NHLRC2: variants seen among roughly 807,000 people sequenced by gnomAD.
NHLRC2 encodes NHL repeat-containing protein 2.
NHLRC2 carries 33 observed loss-of-function variants against 68.1 expected under a neutral mutation model. That is an observed-to-expected ratio of 0.48 (90% CI 0.37 to 0.65). The LOEUF is 0.65. Among genes scored for constraint, NHLRC2 ranks in the 30% least tolerant of loss-of-function variants. NHLRC2 has a pLI of 0.00. For synonymous variants in NHLRC2, 311 were observed against 309.6 expected, an observed-to-expected ratio of 1.00 and a Z score of -0.05; for missense variants, 761 against 853.8, an observed-to-expected ratio of 0.89 and a Z score of 1.35.
At chr10:113,900,502 A>T (rs1846218228) in intron 6 of NHLRC2, among the ~76,000 whole-genome samples, 2 of 152,214 alleles carry the variant, frequency 1.3e-5, no homozygotes, top group Non-Finnish European at 2.9e-5. Context: ...CACTAGGACC[A>T]CACTGACCTG....
chr10:113,874,962 C>G (rs765033308), intron 2 of NHLRC2, among the ~76,000 whole-genome samples: 5 of 150,784 alleles, frequency 3.3e-5, no homozygotes, highest in Admixed American at 6.6e-5. Flanking sequence ...TTTTCTTTAC[C>G]TCATGGAGCA....
chr10:113,878,554 G>T (rs951021674), intron 3 of NHLRC2, among the ~76,000 whole-genome samples: 2 of 152,098 alleles, frequency 1.3e-5, no homozygotes, highest in Non-Finnish European at 2.9e-5. Context: ...TAAAGATGGA[G>T]TCTCACTCTG....
At chr10:113,878,772 G>C (rs1846008801) in intron 3 of NHLRC2, among the ~76,000 whole-genome samples, 1 of 152,062 alleles carries the variant, frequency 6.6e-6, no homozygotes, top group South Asian at 2.1e-4. Flanking sequence ...CAAGTGATCT[G>C]CCTGCCTCGG....
At chr10:113,869,310 A>G (rs1845900325) in intron 2 of NHLRC2, among the ~76,000 whole-genome samples, 1 of 152,222 alleles carries the variant, frequency 6.6e-6, no homozygotes, top group Admixed American at 6.5e-5. Context: ...TGATGGTGCC[A>G]TGCAGTGACA....
chr10:113,910,078 C>T lies in NHLRC2; in HGVS notation c.*1542C>T, dbSNP rs193002734. On this transcript the variant is annotated 3_prime_UTR_variant, in exon 11 of 11. Transcript: ENST00000369301. ...ATATAGATATAAAATTAAAAGGAATCCTGTTTAAAATTATATGTAATTACC... is the reference window on the plus strand; with the variant it reads ...ATATAGATATAAAATTAAAAGGAATTCTGTTTAAAATTATATGTAATTACC... The T allele has an allele frequency of 6.6e-6, 1 of 152,204 alleles. No individual in the cohort carries two copies. Among genetic ancestry groups the T allele is most frequent in the East Asian group, 1.9e-4 (1 of 5,190 alleles). 9.4% of individuals were successfully genotyped at this position (152,204 alleles called of 1,614,324 possible).
At chr10:113,870,695 T>G (rs1243649541) in intron 2 of NHLRC2, among the ~76,000 whole-genome samples, 1 of 152,204 alleles carries the variant, frequency 6.6e-6, no homozygotes, top group Non-Finnish European at 1.5e-5. Flanking sequence ...ATATGTAGTT[T>G]CGTTAGGTAT....
rs1232471222 is a variant in NHLRC2, at chr10:113,916,436, A to G, written c.*7900A>G. ...TTTTTTTCCGTAGCATTTCTTAATA[A>G]TAGCTCAGTTTTTAAAGGAGGGGAA... On this transcript the variant is annotated 3_prime_UTR_variant, in exon 11 of 11. Transcript: ENST00000369301. The G allele has an allele frequency of 6.6e-6, 1 of 152,184 alleles. No individual in the cohort carries two copies. The highest frequency in any genetic ancestry group is 1.5e-5 in the Non-Finnish European group (1 of 68,034). The allele number at this position is 152,184 out of a possible 1,614,324, so 9.4% of individuals were successfully genotyped here.
Position 113,865,287 on chromosome 10 carries a change from C to G in NHLRC2, c.331+6607C>G, listed in dbSNP as rs374282759. 6.2e-3 allele frequency among the ~76,000 whole-genome samples: 870 copies of G among 139,806 alleles called. 10 individuals carry two copies. Among genetic ancestry groups the G allele is most frequent in the Middle Eastern group, 0.022 (6 of 274 alleles). 91.7% of individuals were successfully genotyped at this position (139,806 alleles called of 152,430 possible). A position where few individuals can be genotyped will look rare whatever the true frequency, so the allele number is the denominator to read the frequency against. On this transcript the variant is annotated intron_variant, in intron 2 of 10. Transcript: ENST00000369301. Reference sequence around the variant, plus strand: ...TTTTAAAAATCGCTTTTCATCCCCCCCCCCCGTTCCTCTCACCATATAATA... The same window carrying G: ...TTTTAAAAATCGCTTTTCATCCCCCGCCCCCGTTCCTCTCACCATATAATA...
intron 5 of NHLRC2, among the ~76,000 whole-genome samples, chr10:113,896,125 A>G (rs1021554248): frequency 2.0e-5 from 3 of 152,150 alleles, no homozygotes; most frequent in South Asian, 2.1e-4. Context: ...TCAGGGATCT[A>G]GAACTAGAAA....
rs1458300732 is a variant in NHLRC2, at chr10:113,912,889, T to C, written c.*4353T>C. The C allele has an allele frequency of 6.6e-6, 1 of 152,178 alleles. No homozygotes were observed. Among genetic ancestry groups the C allele is most frequent in the Admixed American group, 6.5e-5 (1 of 15,280 alleles). The allele number at this position is 152,178 out of a possible 1,614,324, so 9.4% of individuals were successfully genotyped here. A position where few individuals can be genotyped will look rare whatever the true frequency, so the allele number is the denominator to read the frequency against. ...CTTTATTCAGGCACGGGTCTCCTCATTCCTAACTCCAAGATGCAGAGGGAA... is the reference window on the plus strand; with the variant it reads ...CTTTATTCAGGCACGGGTCTCCTCACTCCTAACTCCAAGATGCAGAGGGAA... On this transcript the variant is annotated 3_prime_UTR_variant, in exon 11 of 11. Transcript: ENST00000369301.
chr10:113,899,457 A>C (rs1846209288), intron 6 of NHLRC2, among the ~76,000 whole-genome samples: 1 of 152,226 alleles, frequency 6.6e-6, no homozygotes, highest in South Asian at 2.1e-4. Context: ...GTAATGTTTT[A>C]AGACATTTAA....
intron 4 of NHLRC2, among the ~76,000 whole-genome samples, chr10:113,883,576 A>G (rs1006027645): frequency 6.6e-6 from 1 of 151,880 alleles, no homozygotes; most frequent in Non-Finnish European, 1.5e-5. Context: ...AATTTTCCCA[A>G]TACATTGTTG....
chr10:113,859,132 AAC>A (rs1465940028), intron 2 of NHLRC2, among the ~76,000 whole-genome samples: 1 of 152,176 alleles, frequency 6.6e-6, no homozygotes, highest in Non-Finnish European at 1.5e-5. Context: ...TGCAAAATAT[AAC>A]AGATACTCTT....
At chr10:113,896,067 G>A (rs1223397771) in intron 5 of NHLRC2, among the ~76,000 whole-genome samples, 1 of 152,090 alleles carries the variant, frequency 6.6e-6, no homozygotes, top group Non-Finnish European at 1.5e-5. Context: ...CACTGTTGGT[G>A]GGACTGTAAA....
chr10:113,901,839 C>T lies in NHLRC2; in HGVS notation c.1313C>T (p.Thr438Ile), dbSNP rs761162889. The T allele has an allele frequency of 6.2e-7, 1 of 1,614,094 alleles. No homozygotes were observed. The highest frequency in any genetic ancestry group is 8.5e-7 in the Non-Finnish European group (1 of 1,179,972). ...VADSESSTVR[T>I]VSLKDGAVKH... ...GATAGTGAGAGCAGTACAGTGAGAA[C>T]CGTTTCACTGAAAGATGGAGCAGTG... Residue 438 changes from threonine (T) to isoleucine (I), a missense_variant, in exon 7 of 11, where the codon ACC becomes ATC. By Grantham distance (89) the Thr-to-Ile change is moderately conservative. Coordinates refer to ENST00000369301, the MANE Select transcript of NHLRC2 (RefSeq NM_198514.4).
In NHLRC2 at chr10:113,884,350, T is replaced by A. The variant is rs1337580600; in HGVS notation, c.1009T>A (p.Ser337Thr). Reference sequence around the variant, plus strand: ...AAAAGGAGAACAACAACCCATTAGTTCCCCTTGGGATGTAGTTTTTGGAAC... The same window carrying A: ...AAAAGGAGAACAACAACCCATTAGTACCCCTTGGGATGTAGTTTTTGGAAC... ...GAKGEQQPIS[S>T]PWDVVFGTSG... is the part of the protein sequence containing the mutation. The change falls in exon 5 of 11, where the codon TCC (serine) becomes ACC (threonine). Residue 337 changes from serine to threonine, a missense_variant. By Grantham distance (58) the Ser-to-Thr change is moderately conservative. Transcript: ENST00000369301. The A allele has an allele frequency of 3.1e-6, 5 of 1,610,540 alleles. No individual in the cohort carries two copies. The highest frequency in any genetic ancestry group is 4.2e-6 in the Non-Finnish European group (5 of 1,177,424).
intron 2 of NHLRC2, among the ~76,000 whole-genome samples, chr10:113,864,884 C>A (rs1410777341): frequency 6.6e-6 from 1 of 151,502 alleles, no homozygotes; most frequent in Non-Finnish European, 1.5e-5. Context: ...CAGTGGTAAT[C>A]TTGAAATCAG....
Position 113,908,574 on chromosome 10 carries a change from T to C in NHLRC2, c.*38T>C. ...CTAGCAACCCATTGCCACCACCTAC[T>C]GTCTCCCATCCTGACTATCACTGTA... On this transcript the variant is annotated 3_prime_UTR_variant, in exon 11 of 11. Transcript: ENST00000369301. 1 of 1,607,974 alleles carries C rather than the reference T, an allele frequency of 6.2e-7. No homozygotes were observed. Among genetic ancestry groups the C allele is most frequent in the Non-Finnish European group, 8.5e-7 (1 of 1,175,616 alleles).
intron 5 of NHLRC2, among the ~76,000 whole-genome samples, chr10:113,889,820 G>A (rs1278288092): frequency 6.6e-6 from 1 of 152,062 alleles, no homozygotes; most frequent in African/African-American, 2.4e-5. Context: ...CTTCCATTTA[G>A]CATAATGTTT....
Sources: gnomAD v4.1 joint callset for allele counts (sites outside exome capture counted in the v4.1 genomes callset) on GRCh38, gnomAD v4.1.1 for gene constraint, MANE v1.5 for transcripts, NCBI Gene and HGNC (gene_info 2026-07-23, HGNC 2026-07-21) for gene names.